Variants in ACAP2 observed in about 807,000 individuals in gnomAD.
The protein encoded by ACAP2 is ArfGAP with coiled-coil, ankyrin repeat and PH domains 2, also known as arf-GAP with coiled-coil, ANK repeat and PH domain-containing protein 2.
Under a neutral mutation model 115.8 loss-of-function variants are expected in ACAP2, and 39 were observed. The observed-to-expected ratio is 0.34, with a 90% CI of 0.26 to 0.44. The LOEUF (loss-of-function observed/expected upper bound fraction) is 0.44, where lower values mean the gene tolerates loss of function less well. ACAP2 is among the 20% of genes least tolerant of loss of function. The probability of loss-of-function intolerance (pLI) is 1.00; values close to 1 mark genes in which losing one functional copy is unlikely to be tolerated. For synonymous variants in ACAP2, 289 were observed against 315.8 expected (o/e 0.92, Z 0.90); for missense variants, 662 against 927.6 (o/e 0.71, Z 3.72).
At chr3:195,411,595 C>T (rs925120731) in intron 1 of ACAP2, among the ~76,000 whole-genome samples, 1 of 152,172 alleles carries the variant, frequency 6.6e-6, no homozygotes, top group African/African-American at 2.4e-5. Context: ...AAAAGGCACA[C>T]ATTTTATTTA....
At chr3:195,370,700 C>G (rs1733068497) in intron 4 of ACAP2, among the ~76,000 whole-genome samples, 1 of 152,078 alleles carries the variant, frequency 6.6e-6, no homozygotes, top group African/African-American at 2.4e-5. Flanking sequence ...CCTGTAATCC[C>G]AACACTTTGG....
chr3:195,412,903 T>A (rs1360091764), intron 1 of ACAP2: 1 of 456,404 alleles, frequency 2.2e-6, no homozygotes, highest in South Asian at 1.5e-5. Flanking sequence ...AACAAGCCCC[T>A]GCTCTCACGG....
chr3:195,429,092 G>A (rs1172428667), intron 1 of ACAP2, among the ~76,000 whole-genome samples: 3 of 152,106 alleles, frequency 2.0e-5, no homozygotes, highest in Non-Finnish European at 4.4e-5. Flanking sequence ...CAGTAAGAAT[G>A]AACTAGTGAC....
intron 4 of ACAP2, among the ~76,000 whole-genome samples, chr3:195,363,472 G>C (rs530051013): frequency 6.6e-6 from 1 of 152,058 alleles, no homozygotes; most frequent in Non-Finnish European, 1.5e-5. Flanking sequence ...AAGAAACTCC[G>C]TCTCTACTAA....
At chr3:195,323,053 A>G (rs1407860721) in intron 9 of ACAP2, among the ~76,000 whole-genome samples, 2 of 152,210 alleles carry the variant, frequency 1.3e-5, no homozygotes, top group African/African-American at 4.8e-5. Flanking sequence ...AGGTAAGGAG[A>G]GCAAGGGCAT....
chr3:195,419,897 T>C (rs1314059945), intron 1 of ACAP2, among the ~76,000 whole-genome samples: 1 of 152,200 alleles, frequency 6.6e-6, no homozygotes, highest in African/African-American at 2.4e-5. Flanking sequence ...TGTTCTAGGA[T>C]CAATCTCTAT....
chr3:195,359,529 G>A (rs753853901), intron 4 of ACAP2, among the ~76,000 whole-genome samples: 14 of 152,154 alleles, frequency 9.2e-5, no homozygotes, highest in South Asian at 2.1e-4. Flanking sequence ...GTGCAGTGGC[G>A]TGATCTCTGC....
chr3:195,442,818 A>G lies in ACAP2; in HGVS notation c.30T>C (p.Cys10=), dbSNP rs760312213. MKMTVDFEE[C]LKDSPRFRAA... is the part of the protein sequence containing the mutation. The stretch of plus-strand genomic sequence containing the variant: ...ACCTGAAGCGGGGCGAGTCCTTCAG[A>G]CACTCCTCGAAATCCACAGTCATCT... Residue 10 remains cysteine, a synonymous_variant, in exon 1 of 23, where the codon TGT becomes TGC. Transcript: ENST00000326793. 6 of 1,530,680 alleles carry G rather than the reference A, an allele frequency of 3.9e-6. No homozygotes were observed. Among genetic ancestry groups the G allele is most frequent in the Non-Finnish European group, 5.3e-6 (6 of 1,138,990 alleles). The allele number at this position is 1,530,680 out of a possible 1,614,324, so 94.8% of individuals were successfully genotyped here.
chr3:195,299,530 G>A (rs1432490889), intron 15 of ACAP2, among the ~76,000 whole-genome samples: 1 of 143,228 alleles, frequency 7.0e-6, no homozygotes, highest in South Asian at 2.2e-4. Flanking sequence ...GTGACAAAGT[G>A]AGACTCCGTC....
At chr3:195,354,821 T>C (rs1272258612) in intron 4 of ACAP2, among the ~76,000 whole-genome samples, 2 of 152,230 alleles carry the variant, frequency 1.3e-5, no homozygotes, top group African/African-American at 4.8e-5. Context: ...TTGAATAGAA[T>C]GTCAAGTATT....
intron 22 of ACAP2, chr3:195,280,735 A>T (rs928563944): frequency 1.3e-5 from 2 of 152,216 alleles, no homozygotes; most frequent in Non-Finnish European, 2.9e-5. Flanking sequence ...ACACATACAG[A>T]TCAATCCCTC....
chr3:195,441,334 G>C (rs1255242381), intron 1 of ACAP2, among the ~76,000 whole-genome samples: 2 of 152,146 alleles, frequency 1.3e-5, no homozygotes, highest in Non-Finnish European at 2.9e-5. Flanking sequence ...GCCTGTCCTA[G>C]GAAATCTATT....
At chr3:195,421,587 C>T (rs954022983) in intron 1 of ACAP2, among the ~76,000 whole-genome samples, 25 of 152,326 alleles carry the variant, frequency 1.6e-4, no homozygotes, top group Admixed American at 1.4e-3. Context: ...GTGCTGTAGT[C>T]ATAGGAAAGA....
intron 10 of ACAP2, among the ~76,000 whole-genome samples, chr3:195,319,293 G>A (rs1729293531): frequency 6.6e-6 from 1 of 152,234 alleles, no homozygotes; most frequent in Admixed American, 6.5e-5. Context: ...GGGAATATGG[G>A]ATTGGATCTC....
intron 2 of ACAP2, among the ~76,000 whole-genome samples, chr3:195,390,100 G>A (rs1734564230): frequency 6.6e-6 from 1 of 152,180 alleles, no homozygotes; most frequent in African/African-American, 2.4e-5. Flanking sequence ...GGAGGCTGAG[G>A]CAGGAGAAGT....
chr3:195,396,480 A>G (rs939232001), intron 1 of ACAP2, among the ~76,000 whole-genome samples: 7 of 152,048 alleles, frequency 4.6e-5, no homozygotes, highest in African/African-American at 1.7e-4. Flanking sequence ...TCCTTATAAA[A>G]TTATTTTAAA....
chr3:195,376,170 G>T (rs975643546), intron 4 of ACAP2, among the ~76,000 whole-genome samples: 2 of 152,092 alleles, frequency 1.3e-5, no homozygotes, highest in Non-Finnish European at 2.9e-5. Context: ...AAGGTGGGCC[G>T]ATCACTTGAG....
Position 195,279,246 on chromosome 3 carries a change from A to G in ACAP2, c.*82T>C. The G allele has an allele frequency of 9.6e-6, 8 of 833,808 alleles. No individual in the cohort carries two copies. The South Asian group carries it at 1.3e-4, about 14-fold the overall frequency. 51.7% of individuals were successfully genotyped at this position (833,808 alleles called of 1,614,324 possible). A position where few individuals can be genotyped will look rare whatever the true frequency, so the allele number is the denominator to read the frequency against. On this transcript the variant is annotated 3_prime_UTR_variant, in exon 23 of 23. Transcript: ENST00000326793. ...ATATCTACCAAAATTAAGTAGAATT[A>G]AAGCAGTAAAAAAATTGTGATTTTT...
chr3:195,363,358 C>T (rs1388012681), intron 4 of ACAP2, among the ~76,000 whole-genome samples: 1 of 152,008 alleles, frequency 6.6e-6, no homozygotes, highest in Non-Finnish European at 1.5e-5. Flanking sequence ...GTTAAAATGT[C>T]CAGGCCGGGC....
Sources: allele counts gnomAD v4.1 joint callset (sites outside exome capture counted in the v4.1 genomes callset), GRCh38; gene constraint gnomAD v4.1.1; transcripts MANE v1.5; gene names NCBI Gene and HGNC (gene_info 2026-07-23, HGNC 2026-07-21).